SETD5: variants seen among roughly 807,000 people sequenced by gnomAD.
The protein encoded by SETD5 is SET domain containing 5, also known as histone-lysine N-methyltransferase SETD5.
A neutral mutation model predicts 153.3 loss-of-function variants in SETD5; 44 were observed. The ratio of observed to expected loss-of-function variants is 0.29; its 90% confidence interval spans 0.23 to 0.37. SETD5 has a LOEUF of 0.37. Ranked by LOEUF, SETD5 falls within the 10% of genes least tolerant of loss-of-function variation. The pLI, the probability that SETD5 is intolerant of heterozygous loss-of-function variation, is 1.00. For missense variants in SETD5, 1,544 were observed against 1,768.0 expected (o/e 0.87, Z 2.27); for synonymous variants, 716 against 645.2 (o/e 1.11, Z -1.66).
chr3:9,461,412 C>T (rs758477885), intron 17 of SETD5, among the ~76,000 whole-genome samples: 6 of 151,914 alleles, frequency 3.9e-5, no homozygotes, highest in Non-Finnish European at 7.4e-5. Context: ...AGCAATGTCT[C>T]GATAAAAATT....
intron 16 of SETD5, among the ~76,000 whole-genome samples, chr3:9,452,987 C>G (rs2042805592): frequency 6.6e-6 from 1 of 152,088 alleles, no homozygotes; most frequent in Admixed American, 6.5e-5. Context: ...GATACATAAT[C>G]TTATTATCCT....
intron 1 of SETD5, among the ~76,000 whole-genome samples, chr3:9,407,124 T>TTC (rs2125473852): frequency 6.6e-6 from 1 of 152,282 alleles, no homozygotes; most frequent in East Asian, 1.9e-4. Flanking sequence ...GGTCAGGTGT[T>TTC]TGAGACCAGC....
In SETD5 at chr3:9,470,793, C is replaced by G; in HGVS notation, c.3059C>G (p.Ser1020Cys). Residue 1020 changes from serine (S) to cysteine (C), a missense_variant, in exon 19 of 23, where the codon TCC (serine) becomes TGC (cysteine). By Grantham distance (112) the Ser-to-Cys change is moderately radical. This residue lies in a region of SETD5 where 782 missense variants were observed against 787.2 expected (regional missense o/e 0.99). Coordinates refer to ENST00000402198, the MANE Select transcript of SETD5 (RefSeq NM_001080517.3). ...TTACATTTGGATGGGGGATATTGTT[C>G]CCCTGCAGAAGGATTTTCCAGCAGA... is the stretch of plus-strand genomic sequence containing the variant. ...KPLHLDGGYC[S>C]PAEGFSSRYE... 1.2e-6 allele frequency: 2 copies of G among 1,613,698 alleles called. No homozygotes were observed. The highest frequency in any genetic ancestry group is 1.1e-5 in the South Asian group (1 of 91,048).
In SETD5 at chr3:9,476,459, TA is replaced by T. The variant is rs5846639; in HGVS notation, c.*387del. The stretch of plus-strand genomic sequence containing the variant: ...TGCAGTGAGGACATCTTTTTAAATT[TA>T]AAAAAAAAAAAAAAAAAAGTTTTCA... On this transcript the variant is annotated 3_prime_UTR_variant, in exon 23 of 23. Coordinates refer to ENST00000402198, the MANE Select transcript of SETD5 (RefSeq NM_001080517.3). 18,127 of 113,656 alleles carry T rather than the reference TA, an allele frequency of 0.16. 968 individuals are homozygous for T. The highest frequency in any genetic ancestry group is 0.22 in the East Asian group (943 of 4,214). 7.0% of individuals were successfully genotyped at this position (113,656 alleles called of 1,614,324 possible).
chr3:9,455,639 A>AT (rs1434140174), intron 17 of SETD5, among the ~76,000 whole-genome samples: 6 of 148,234 alleles, frequency 4.0e-5, no homozygotes, highest in Non-Finnish European at 8.9e-5. Context: ...CATTTGTATT[A>AT]TTTCTTTTTT....
intron 6 of SETD5, 72 bp from the exon 7 acceptor site, chr3:9,435,656 T>G (rs1367185728): frequency 7.1e-7 from 1 of 1,399,804 alleles, no homozygotes; most frequent in Non-Finnish European, 9.4e-7. Flanking sequence ...GGGGCACACC[T>G]AAAAGAATAA....
chr3:9,460,700 T>G (rs187651708), intron 17 of SETD5, among the ~76,000 whole-genome samples: 4 of 152,296 alleles, frequency 2.6e-5, no homozygotes, highest in Non-Finnish European at 4.4e-5. Flanking sequence ...ATTATAGTTA[T>G]TCTACATTTA....
chr3:9,464,370 G>C, intron 17 of SETD5, 55 bp from the exon 18 acceptor site: 1 of 1,569,464 alleles, frequency 6.4e-7, no homozygotes, highest in Non-Finnish European at 8.7e-7. Context: ...CTTTACTGTA[G>C]AGCCTTAAAT....
At chr3:9,410,497 G>A (rs911618617) in intron 1 of SETD5, among the ~76,000 whole-genome samples, 1 of 151,972 alleles carries the variant, frequency 6.6e-6, no homozygotes, top group Non-Finnish European at 1.5e-5. Flanking sequence ...GATTTTTCAG[G>A]GATTAGGTTT....
At chr3:9,474,236 CTTGATTTCTTTTTCT>C (rs957153219) in intron 20 of SETD5, among the ~76,000 whole-genome samples, 198 bp from the exon 21 acceptor site, 1 of 152,036 alleles carries the variant, frequency 6.6e-6, no homozygotes, top group Non-Finnish European at 1.5e-5. Context: ...CCACTTTTTC[CTTGATTTCTTTTTCT>C]TTAAAAGTGG....
chr3:9,446,286 CAAAAAA>C (rs577044895), intron 13 of SETD5, among the ~76,000 whole-genome samples: 2 of 22,844 alleles, frequency 8.8e-5, no homozygotes, highest in African/African-American at 2.4e-4. Flanking sequence ...GACTCCATCT[CAAAAAA>C]AAAAAAAAAA....
intron 1 of SETD5, among the ~76,000 whole-genome samples, chr3:9,424,007 G>A (rs2038797863): frequency 6.6e-6 from 1 of 152,192 alleles, no homozygotes; most frequent in South Asian, 2.1e-4. Context: ...GGGAAAGAAA[G>A]GAGTAATAAA....
intron 1 of SETD5, among the ~76,000 whole-genome samples, chr3:9,407,427 G>C (rs570272880): frequency 6.6e-6 from 1 of 152,308 alleles, no homozygotes; most frequent in East Asian, 1.9e-4. Context: ...TTTAGAGAAG[G>C]AAGGCTCTAG....
chr3:9,464,815 T>C (rs1035429681), intron 18 of SETD5, 143 bp downstream of exon 18: 7 of 1,331,044 alleles, frequency 5.3e-6, no homozygotes, highest in African/African-American at 4.3e-5. Context: ...CTCAGGGTCA[T>C]TGTGGCCTGT....
At chr3:9,419,044 C>T (rs1408335322) in intron 1 of SETD5, among the ~76,000 whole-genome samples, 1 of 152,010 alleles carries the variant, frequency 6.6e-6, no homozygotes, top group Non-Finnish European at 1.5e-5. Context: ...CCAGGCTGGT[C>T]TCAAACTCCT....
chr3:9,462,323 C>G (rs1407618158), intron 17 of SETD5, among the ~76,000 whole-genome samples: 4 of 152,186 alleles, frequency 2.6e-5, no homozygotes, highest in African/African-American at 2.4e-5. Context: ...CGCGGTGGCT[C>G]ACGCCTGTAA....
In SETD5 at chr3:9,446,996, A is replaced by G. The variant is rs1270672781; in HGVS notation, c.1525-54A>G. ...CATTAAAAATACTTTTATAAAAGCT[A>G]TCCACTCGTCCTCATTTGAAGCTTC... On this transcript the variant is annotated intron_variant, in intron 13 of 22. Coordinates refer to ENST00000402198, the MANE Select transcript of SETD5 (RefSeq NM_001080517.3). 3.8e-6 allele frequency: 5 copies of G among 1,302,758 alleles called. No homozygotes were observed. In the African/African-American group the frequency reaches 7.5e-5, roughly 19 times the overall value. The allele number at this position is 1,302,758 out of a possible 1,614,324, so 80.7% of individuals were successfully genotyped here. A position where few individuals can be genotyped will look rare whatever the true frequency, so the allele number is the denominator to read the frequency against.
In SETD5 at chr3:9,476,547, TTTATGC is replaced by T. The variant is rs1219524526; in HGVS notation, c.*457_*462del. The T allele has an allele frequency of 6.4e-6, 1 of 156,314 alleles. No individual in the cohort carries two copies. The highest frequency in any genetic ancestry group is 1.9e-4 in the East Asian group (1 of 5,316). 9.7% of individuals were successfully genotyped at this position (156,314 alleles called of 1,614,324 possible). On this transcript the variant is annotated 3_prime_UTR_variant, in exon 23 of 23. Transcript: ENST00000402198. ...CAAGCCATCTGAGTACTGTTAGGGT[TTTATGC>T]ACTTAAGAAAAAAGGTAGGTATGTA...
chr3:9,409,491 C>G (rs945443676), intron 1 of SETD5, among the ~76,000 whole-genome samples: 1 of 152,128 alleles, frequency 6.6e-6, no homozygotes, highest in African/African-American at 2.4e-5. Context: ...CTACCTTTGT[C>G]TGTTGGCTAC....
Sources: allele counts gnomAD v4.1 joint callset (sites outside exome capture counted in the v4.1 genomes callset), GRCh38; gene constraint gnomAD v4.1.1; regional missense constraint gnomAD v4.1.1; transcripts MANE v1.5; gene names NCBI Gene and HGNC (gene_info 2026-07-23, HGNC 2026-07-21).